Variants in SPOPL observed in about 807,000 individuals in gnomAD.
The protein encoded by SPOPL is speckle type BTB/POZ protein like.
SPOPL carries 23 observed loss-of-function variants against 53.8 expected under a neutral mutation model. The observed-to-expected ratio is 0.43, with a 90% CI of 0.31 to 0.61. SPOPL has a LOEUF of 0.61. Ranked by LOEUF, SPOPL falls within the 20% of genes least tolerant of loss-of-function variation. SPOPL has a pLI of 0.12. For synonymous variants in SPOPL, 164 were observed against 149.7 expected (o/e 1.10, Z -0.70); for missense variants, 442 against 466.9 (o/e 0.95, Z 0.49).
In SPOPL at chr2:138,559,315, A is replaced by G. The variant is rs147776374; in HGVS notation, c.692A>G (p.His231Arg). 8 of 1,612,430 alleles carry G rather than the reference A, an allele frequency of 5.0e-6. No individual in the cohort carries two copies. Among genetic ancestry groups the G allele is most frequent in the African/African-American group, 2.7e-5 (2 of 74,850 alleles). The change falls in exon 7 of 11, where the codon CAT (histidine) becomes CGT (arginine). Residue 231 changes from histidine (H) to arginine (R), a missense_variant. Coordinates refer to ENST00000280098, the MANE Select transcript of SPOPL (RefSeq NM_001001664.3). The stretch of plus-strand genomic sequence containing the variant: ...CCAGTTTTTAACGCCATGTTTGAAC[A>G]TGAAATGGAAGAAAGCAAAAAGGTA... ...RSPVFNAMFE[H>R]EMEESKKNRV...
chr2:138,541,226 A>T (rs185954431), intron 1 of SPOPL, among the ~76,000 whole-genome samples: 4 of 152,122 alleles, frequency 2.6e-5, no homozygotes, highest in African/African-American at 4.8e-5. Context: ...TGTCTCTGCC[A>T]GGCTTTGGTA....
At chr2:138,513,048 C>A (rs545677468) in intron 1 of SPOPL, among the ~76,000 whole-genome samples, 5 of 152,188 alleles carry the variant, frequency 3.3e-5, no homozygotes, top group Non-Finnish European at 5.9e-5. Context: ...AGGGAGGTGA[C>A]AGTCTGAGTG....
At chr2:138,512,512 G>A (rs1311413690) in intron 1 of SPOPL, among the ~76,000 whole-genome samples, 1 of 152,068 alleles carries the variant, frequency 6.6e-6, no homozygotes, top group Non-Finnish European at 1.5e-5. Context: ...AGTGTATAGA[G>A]GAAAGATAAT....
In SPOPL at chr2:138,506,627, A is replaced by G. The variant is rs1419614199; in HGVS notation, c.-61+4508A>G. ...TAGTTCTTGTGCCTAAGGTGAGAGT[A>G]CTGGGGGAGGAGCAGTTTTTTATTT... On this transcript the variant is annotated intron_variant, in intron 1 of 10. Coordinates refer to ENST00000280098, the MANE Select transcript of SPOPL (RefSeq NM_001001664.3). Among the ~76,000 whole-genome samples, 8 of 152,102 alleles carry G rather than the reference A, an allele frequency of 5.3e-5. No individual in the cohort carries two copies. The East Asian group carries it at 1.5e-3, about 29-fold the overall frequency.
At chr2:138,529,100 T>C (rs1202162773) in intron 1 of SPOPL, among the ~76,000 whole-genome samples, 3 of 152,240 alleles carry the variant, frequency 2.0e-5, no homozygotes, top group Non-Finnish European at 2.9e-5. Flanking sequence ...CAGATTATTA[T>C]AAAACAAATT....
intron 1 of SPOPL, among the ~76,000 whole-genome samples, chr2:138,547,296 G>A (rs1367375324): frequency 3.3e-5 from 5 of 152,132 alleles, no homozygotes; most frequent in Non-Finnish European, 7.4e-5. Flanking sequence ...AATTACATTT[G>A]AAGTGTATAT....
intron 5 of SPOPL, chr2:138,554,610 A>G: frequency 1.1e-6 from 1 of 872,508 alleles, no homozygotes; most frequent in Non-Finnish European, 1.5e-6. Context: ...TGGTTAAAGT[A>G]GCCAGAGATA....
intron 7 of SPOPL, among the ~76,000 whole-genome samples, chr2:138,560,042 T>C (rs1305168048): frequency 6.6e-6 from 1 of 152,214 alleles, no homozygotes. Flanking sequence ...AATGATGTCA[T>C]ATACTATTGA....
intron 1 of SPOPL, among the ~76,000 whole-genome samples, chr2:138,510,908 T>C (rs550802416): frequency 6.6e-6 from 1 of 152,326 alleles, no homozygotes; most frequent in African/African-American, 2.4e-5. Flanking sequence ...GTGAATTTAA[T>C]TTCATTTAAT....
At chr2:138,548,227 A>T (rs1455133343) in intron 1 of SPOPL, among the ~76,000 whole-genome samples, 1 of 144,804 alleles carries the variant, frequency 6.9e-6, no homozygotes, top group Non-Finnish European at 1.5e-5. Context: ...ATTGATTACA[A>T]GTGAAGGTAA....
chr2:138,549,925 A>G (rs116170716), intron 1 of SPOPL, among the ~76,000 whole-genome samples: 1 of 152,300 alleles, frequency 6.6e-6, no homozygotes, highest in African/African-American at 2.4e-5. Context: ...TTTGGAGAAC[A>G]TGCCTTTACA....
chr2:138,539,710 CTCTGATGGTAGT>C (rs1294099092), intron 1 of SPOPL, among the ~76,000 whole-genome samples: 9 of 152,194 alleles, frequency 5.9e-5, no homozygotes, highest in Admixed American at 5.9e-4. Context: ...TGCCTGTTCA[CTCTGATGGTAGT>C]TTCTTTTGCT....
In SPOPL at chr2:138,555,169, TGC is replaced by T. The variant is rs558583864; in HGVS notation, c.480+2490_480+2491del. Among the ~76,000 whole-genome samples the T allele has an allele frequency of 7.2e-3, 1,033 of 143,264 alleles. 5 individuals carry two copies. The highest frequency in any genetic ancestry group is 0.019 in the African/African-American group (676 of 36,222). The allele number at this position is 143,264 out of a possible 152,430, so 94.0% of individuals were successfully genotyped here. A position where few individuals can be genotyped will look rare whatever the true frequency, so the allele number is the denominator to read the frequency against. Reference sequence around the variant, plus strand: ...GTGTGTGTGTGTGTGTGTGTGTGTGTGCGAGCCAGACTCGCTTTAATAAACTC... The same window carrying T: ...GTGTGTGTGTGTGTGTGTGTGTGTGTGAGCCAGACTCGCTTTAATAAACTC... On this transcript the variant is annotated intron_variant, in intron 5 of 10. Coordinates refer to ENST00000280098, the MANE Select transcript of SPOPL (RefSeq NM_001001664.3).
chr2:138,543,856 C>T (rs1379564151), intron 1 of SPOPL, among the ~76,000 whole-genome samples: 1 of 152,138 alleles, frequency 6.6e-6, no homozygotes, highest in Non-Finnish European at 1.5e-5. Context: ...TTTTCCCCAT[C>T]TTTGTGGTTT....
chr2:138,549,699 C>CT (rs1262034474), intron 1 of SPOPL, among the ~76,000 whole-genome samples: 1 of 152,070 alleles, frequency 6.6e-6, no homozygotes, highest in East Asian at 1.9e-4. Context: ...ACATTCCATT[C>CT]TATGTTTTAC....
Position 138,550,589 on chromosome 2 carries a change from G to C in SPOPL, c.185G>C (p.Ser62Thr). 6.3e-7 allele frequency: 1 copy of C among 1,599,898 alleles called. No individual in the cohort carries two copies. The highest frequency in any genetic ancestry group is 8.5e-7 in the Non-Finnish European group (1 of 1,172,654). ...AGTTCAACATTTTCATCTGGCCCAAGTGACAAAATGAAATGGTAAGATTTT... is the reference window on the plus strand; with the variant it reads ...AGTTCAACATTTTCATCTGGCCCAACTGACAAAATGAAATGGTAAGATTTT... ...LKSSTFSSGPSDKMKWCLRVN... is the reference protein window; with the variant it reads ...LKSSTFSSGPTDKMKWCLRVN... Residue 62 changes from serine to threonine, a missense_variant, in exon 3 of 11, where the codon AGT becomes ACT. Coordinates refer to ENST00000280098, the MANE Select transcript of SPOPL (RefSeq NM_001001664.3).
At chr2:138,532,354 C>A (rs1240892658) in intron 1 of SPOPL, among the ~76,000 whole-genome samples, 1 of 150,468 alleles carries the variant, frequency 6.6e-6, no homozygotes, top group African/African-American at 2.5e-5. Context: ...TTAGAATCTG[C>A]AAATATTCTT....
intron 1 of SPOPL, among the ~76,000 whole-genome samples, chr2:138,548,818 A>G (rs996042570): frequency 2.3e-4 from 35 of 152,074 alleles, no homozygotes; most frequent in Non-Finnish European, 4.6e-4. Flanking sequence ...TCCCTCTCAT[A>G]TATTACTAGA....
At chr2:138,524,150 G>C (rs1180607865) in intron 1 of SPOPL, among the ~76,000 whole-genome samples, 3 of 152,166 alleles carry the variant, frequency 2.0e-5, no homozygotes, top group Non-Finnish European at 4.4e-5. Context: ...CTTGACTTCT[G>C]TGCACCTGCA....
Sources: allele counts gnomAD v4.1 joint callset (sites outside exome capture counted in the v4.1 genomes callset), GRCh38; gene constraint gnomAD v4.1.1; transcripts MANE v1.5; gene names NCBI Gene and HGNC (gene_info 2026-07-23, HGNC 2026-07-21).